SH3KBP1: variants seen among roughly 807,000 people sequenced by gnomAD.
SH3KBP1 encodes SH3 domain containing kinase binding protein 1.
In SH3KBP1, 8 loss-of-function variants were observed where a neutral mutation model predicts 50.1. That is an observed-to-expected ratio of 0.16 (90% CI 0.09 to 0.29). The LOEUF (loss-of-function observed/expected upper bound fraction) is 0.29, where lower values mean the gene tolerates loss of function less well. Ranked by LOEUF, SH3KBP1 falls within the 10% of genes least tolerant of loss-of-function variation. SH3KBP1 has a pLI of 1.00. For missense variants in SH3KBP1, 377 were observed against 535.2 expected (o/e 0.70, Z 2.92); for synonymous variants, 227 against 218.6 (o/e 1.04, Z -0.34).
At chrX:19,881,343 G>A (rs1403811271) in intron 1 of SH3KBP1, among the ~76,000 whole-genome samples, 2 of 111,745 alleles carry the variant, frequency 1.8e-5, no homozygotes, top group Non-Finnish European at 3.8e-5. Context: ...AAGAGGCAAG[G>A]AACAATAGCA....
At chrX:19,825,466 T>C in intron 2 of SH3KBP1, among the ~76,000 whole-genome samples, 1 of 111,875 alleles carries the variant, frequency 8.9e-6, no homozygotes, top group East Asian at 2.8e-4. Context: ...TTGGCCTAGA[T>C]TCTAATGCTC....
chrX:19,544,197 T>C (rs1022291384), intron 15 of SH3KBP1, among the ~76,000 whole-genome samples: 6 of 110,873 alleles, frequency 5.4e-5, no homozygotes, highest in Admixed American at 2.9e-4. Context: ...CAAGTTACCA[T>C]TGAGGAAAAG....
intron 1 of SH3KBP1, among the ~76,000 whole-genome samples, chrX:19,873,288 A>ACG (rs1556422788): frequency 1.1e-5 from 1 of 89,513 alleles, no homozygotes; most frequent in African/African-American, 4.9e-5. Flanking sequence ...ATATATATAT[A>ACG]TGTATATATA....
At chrX:19,778,007 C>T (rs1482965409) in intron 2 of SH3KBP1, among the ~76,000 whole-genome samples, 1 of 111,137 alleles carries the variant, frequency 9.0e-6, no homozygotes, top group Non-Finnish European at 1.9e-5. Context: ...GATCCCACCC[C>T]GTGTGGGGGC....
chrX:19,735,792 C>G (rs1205303685), intron 3 of SH3KBP1, among the ~76,000 whole-genome samples: 2 of 103,483 alleles, frequency 1.9e-5, no homozygotes, highest in African/African-American at 7.1e-5. Flanking sequence ...GGCGCGATCT[C>G]GGCTCACTGC....
chrX:19,734,532 A>G (rs2064480734), intron 3 of SH3KBP1, among the ~76,000 whole-genome samples: 1 of 111,827 alleles, frequency 8.9e-6, no homozygotes, highest in Non-Finnish European at 1.9e-5. Context: ...AGCTTTATTG[A>G]GATATAATTT....
At chrX:19,757,093 A>G (rs1569458045) in intron 2 of SH3KBP1, among the ~76,000 whole-genome samples, 1 of 106,880 alleles carries the variant, frequency 9.4e-6, no homozygotes, top group Non-Finnish European at 1.9e-5. Flanking sequence ...TAACTTAAAC[A>G]TTGAGTAATT....
intron 3 of SH3KBP1, among the ~76,000 whole-genome samples, chrX:19,739,014 G>GGAAAAAAAAA (rs1226478317): frequency 4.5e-5 from 1 of 22,463 alleles, no homozygotes; most frequent in Non-Finnish European, 8.8e-5. Flanking sequence ...CTGCCTCCAA[G>GGAAAAAAAAA]AAAAAAAAAA....
chrX:19,612,957 G>A (rs975076575), intron 8 of SH3KBP1, among the ~76,000 whole-genome samples: 1 of 112,234 alleles, frequency 8.9e-6, no homozygotes, highest in African/African-American at 3.2e-5. Flanking sequence ...TGTGCTCATG[G>A]AAGAGAATAT....
rs970746682 is a variant in SH3KBP1, at chrX:19,535,171, G to T, written c.*1246C>A. On this transcript the variant is annotated 3_prime_UTR_variant, in exon 18 of 18. Coordinates refer to ENST00000397821, the MANE Select transcript of SH3KBP1 (RefSeq NM_031892.3). Reference sequence around the variant, plus strand: ...CATAGTCTAAGGCTGAACTGTTCATGTACTACAAAGATAAAGCGGACAGGC... The same window carrying T: ...CATAGTCTAAGGCTGAACTGTTCATTTACTACAAAGATAAAGCGGACAGGC... 2 of 274,066 alleles carry T rather than the reference G, an allele frequency of 7.3e-6. No homozygotes were observed. The highest frequency in any genetic ancestry group is 6.4e-6 in the Non-Finnish European group (1 of 156,357). 22.6% of individuals were successfully genotyped at this position (274,066 alleles called of 1,213,427 possible).
At position 19,588,687 on chromosome X, in the gene SH3KBP1, G is replaced by T. The variant is rs1288154214; in HGVS notation, c.1254C>A (p.Pro418=). 2 of 1,209,115 alleles carry T rather than the reference G, an allele frequency of 1.7e-6. No homozygotes were observed. Among genetic ancestry groups the T allele is most frequent in the East Asian group, 3.0e-5 (1 of 33,771 alleles). Residue 418 remains proline (P), a synonymous_variant, in exon 12 of 18, where the codon CCC becomes CCA. Coordinates refer to ENST00000397821, the MANE Select transcript of SH3KBP1 (RefSeq NM_031892.3). The stretch of plus-strand genomic sequence containing the variant: ...CCACCGGTCTCTCCGGCCTTCTCGG[G>T]GGCAGTGCGCCAGGTCTGCTGAGAG... ...TNSLSRPGAL[P]PRRPERPVGP... is the part of the protein sequence containing the mutation.
chrX:19,565,587 C>T (rs961266907), intron 13 of SH3KBP1, among the ~76,000 whole-genome samples: 4 of 111,483 alleles, frequency 3.6e-5, no homozygotes, highest in African/African-American at 1.3e-4. Flanking sequence ...ACTAGAACCT[C>T]AGGACGATGG....
intron 6 of SH3KBP1, among the ~76,000 whole-genome samples, chrX:19,658,960 CTT>C (rs1178563446): frequency 9.8e-6 from 1 of 101,604 alleles, no homozygotes. Flanking sequence ...GTAAGGTACA[CTT>C]TTTTTTTTTA....
intron 2 of SH3KBP1, among the ~76,000 whole-genome samples, chrX:19,781,647 T>G (rs2066183965): frequency 9.4e-6 from 1 of 106,926 alleles, no homozygotes; most frequent in African/African-American, 3.4e-5. Context: ...ATATGAAACA[T>G]CCAGAAAAGG....
chrX:19,837,161 G>A (rs1274554968), intron 1 of SH3KBP1, among the ~76,000 whole-genome samples: 3 of 112,140 alleles, frequency 2.7e-5, no homozygotes, highest in African/African-American at 9.7e-5. Flanking sequence ...AAGACAGGTG[G>A]CATAGAGGGC....
chrX:19,790,145 T>C (rs890989101), intron 2 of SH3KBP1, among the ~76,000 whole-genome samples: 5 of 108,397 alleles, frequency 4.6e-5, no homozygotes, highest in African/African-American at 1.0e-4. Context: ...TGGCCAAGAA[T>C]ACCCTAAAAA....
chrX:19,556,629 G>A (rs1032620630), intron 13 of SH3KBP1, among the ~76,000 whole-genome samples: 4 of 111,892 alleles, frequency 3.6e-5, no homozygotes, highest in African/African-American at 1.3e-4. Flanking sequence ...GAAGTTTGCA[G>A]GACGCAAGCT....
intron 10 of SH3KBP1, among the ~76,000 whole-genome samples, chrX:19,593,093 C>T (rs2066797531): frequency 8.9e-6 from 1 of 112,178 alleles, no homozygotes; most frequent in Non-Finnish European, 1.9e-5. Flanking sequence ...TTAGCCTTTA[C>T]CCACATGGAC....
At chrX:19,602,185 TC>T (rs1035189857) in intron 9 of SH3KBP1, among the ~76,000 whole-genome samples, 7 of 109,998 alleles carry the variant, frequency 6.4e-5, no homozygotes, top group Admixed American at 5.8e-4. Context: ...GAGGCCAGCT[TC>T]CCCCTGCCCC....
Sources: allele counts gnomAD v4.1 joint callset (sites outside exome capture counted in the v4.1 genomes callset), GRCh38; gene constraint gnomAD v4.1.1; transcripts MANE v1.5; gene names NCBI Gene and HGNC (gene_info 2026-07-23, HGNC 2026-07-21).